PEPD: variants seen among roughly 807,000 people sequenced by gnomAD.
PEPD encodes xaa-Pro dipeptidase.
In PEPD, 53 loss-of-function variants were observed where a neutral mutation model predicts 60.7. The observed-to-expected ratio is 0.87, with a 90% CI of 0.70 to 1.10. The LOEUF (loss-of-function observed/expected upper bound fraction) is 1.10, where lower values mean the gene tolerates loss of function less well. Among genes scored for constraint, PEPD ranks in the 50% least tolerant of loss-of-function variants. PEPD has a pLI of 0.00. For synonymous variants in PEPD, 267 were observed against 284.1 expected (o/e 0.94, Z 0.60); for missense variants, 711 against 711.9 (o/e 1.00, Z 0.01).
intron 6 of PEPD, among the ~76,000 whole-genome samples, chr19:33,488,807 C>T (rs1163278300): frequency 1.3e-5 from 2 of 152,106 alleles, no homozygotes; most frequent in Non-Finnish European, 2.9e-5. Context: ...TGGGCTCATA[C>T]ATAATTATAA....
In PEPD at chr19:33,455,382, A is replaced by G. The variant is rs146499962; in HGVS notation, c.671+7613T>C. 2.5e-3 allele frequency among the ~76,000 whole-genome samples: 380 copies of G among 152,284 alleles called. 1 individual carries two copies. The highest frequency in any genetic ancestry group is 0.01 in the Middle Eastern group (3 of 294). ...AAGGGAGATGCTGAAAAGGCAGCTG[A>G]TAAAATTCGACATCCTTTCCTGATA... On this transcript the variant is annotated intron_variant, in intron 9 of 14. Transcript: ENST00000244137.
intron 11 of PEPD, among the ~76,000 whole-genome samples, chr19:33,402,664 G>C (rs1179995294): frequency 2.6e-5 from 4 of 152,190 alleles, no homozygotes; most frequent in Non-Finnish European, 5.9e-5. Flanking sequence ...CCCGAAGCCA[G>C]GTGGGCCCCC....
intron 9 of PEPD, among the ~76,000 whole-genome samples, chr19:33,429,409 C>T (rs181586489): frequency 6.8e-4 from 104 of 152,330 alleles, no homozygotes; most frequent in African/African-American, 2.2e-3. Flanking sequence ...TTAGTAATTA[C>T]GCGGGGGCAG....
chr19:33,463,195 T>C (rs948300966), intron 8 of PEPD, among the ~76,000 whole-genome samples, 154 bp from the exon 9 acceptor site: 4 of 152,214 alleles, frequency 2.6e-5, no homozygotes, highest in East Asian at 1.9e-4. Context: ...TGTGACAAAT[T>C]AGAACTTTTT....
intron 9 of PEPD, among the ~76,000 whole-genome samples, chr19:33,424,930 C>A (rs60267674): frequency 0.13 from 19,700 of 151,956 alleles, 1,840 homozygotes; most frequent in African/African-American, 0.26. Flanking sequence ...GGGGAAAGCA[C>A]CCCCATGATT....
chr19:33,480,883 T>C (rs1444325645), intron 6 of PEPD, among the ~76,000 whole-genome samples: 1 of 151,702 alleles, frequency 6.6e-6, no homozygotes, highest in Non-Finnish European at 1.5e-5. Flanking sequence ...ACTCAGCCAA[T>C]AGCAGCAGAA....
At chr19:33,510,317 G>A (rs552048356) in intron 3 of PEPD, among the ~76,000 whole-genome samples, 7 of 152,276 alleles carry the variant, frequency 4.6e-5, no homozygotes, top group African/African-American at 1.7e-4. Flanking sequence ...AGAAGGAAGG[G>A]AGAAGACAGA....
intron 4 of PEPD, 187 bp from the exon 5 acceptor site, chr19:33,493,524 G>A: frequency 1.5e-6 from 1 of 678,526 alleles, no homozygotes; most frequent in Non-Finnish European, 2.7e-6. Context: ...ACTTCTGAAA[G>A]CCACACAGCC....
At position 33,512,770 on chromosome 19, in the gene PEPD, C is replaced by CG. The variant is rs1568512451; in HGVS notation, c.23dup (p.Phe9ValfsTer6). 1 of 1,614,028 alleles carries CG rather than the reference C, an allele frequency of 6.2e-7. No homozygotes were observed. Among genetic ancestry groups the CG allele is most frequent in the Admixed American group, 1.7e-5 (1 of 60,014 alleles). ...TCAGGGTTTCATTCCCCAGCCAAAA[C>CG]GAGGGTCTGCAGAGGCAAGAGCACA... On this transcript the variant is annotated frameshift_variant, in exon 2 of 15. Coordinates refer to ENST00000244137, the MANE Select transcript of PEPD (RefSeq NM_000285.4). LOFTEE classifies it high-confidence loss of function.
chr19:33,446,268 AT>A (rs1204579328), intron 9 of PEPD, among the ~76,000 whole-genome samples: 3 of 152,170 alleles, frequency 2.0e-5, no homozygotes, highest in African/African-American at 7.2e-5. Context: ...ACCTAGATGA[AT>A]TTCTACCTTT....
At chr19:33,516,543 G>A (rs992232400) in intron 1 of PEPD, among the ~76,000 whole-genome samples, 4 of 152,128 alleles carry the variant, frequency 2.6e-5, no homozygotes, top group East Asian at 3.9e-4. Flanking sequence ...AGTCCTCAAG[G>A]AGGGTATGAT....
chr19:33,402,336 G>A (rs1968516179), intron 11 of PEPD, among the ~76,000 whole-genome samples: 9 of 152,240 alleles, frequency 5.9e-5, no homozygotes, highest in Admixed American at 5.9e-4. Context: ...CTGAGGCCGT[G>A]CTTGTGGGAA....
intron 9 of PEPD, among the ~76,000 whole-genome samples, chr19:33,456,011 A>G (rs1969791288): frequency 6.6e-6 from 1 of 152,154 alleles, no homozygotes; most frequent in African/African-American, 2.4e-5. Flanking sequence ...ATTTGCAGAA[A>G]GCTCTTCTCT....
intron 9 of PEPD, among the ~76,000 whole-genome samples, chr19:33,453,317 A>AAAAAAAAAAAAT (rs1555762504): frequency 0.088 from 13,107 of 148,288 alleles, 826 homozygotes; most frequent in Non-Finnish European, 0.14. Context: ...CTGTCATAAA[A>AAAAAAAAAAAAT]AAATAAATAA....
At chr19:33,414,661 G>C (rs1037475910) in intron 9 of PEPD, among the ~76,000 whole-genome samples, 13 of 134,798 alleles carry the variant, frequency 9.6e-5, no homozygotes, top group African/African-American at 3.1e-4. Context: ...TGCCCTGCAC[G>C]TTCCAGGCCT....
chr19:33,428,311 CAGCATACCCCG>C (rs1969195672), intron 9 of PEPD, among the ~76,000 whole-genome samples: 1 of 152,152 alleles, frequency 6.6e-6, no homozygotes, highest in South Asian at 2.1e-4. Flanking sequence ...CACACCTGTC[CAGCATACCCCG>C]AGCTCCCTCT....
intron 5 of PEPD, among the ~76,000 whole-genome samples, chr19:33,492,151 C>T (rs1970513870): frequency 6.6e-6 from 1 of 151,810 alleles, no homozygotes; most frequent in South Asian, 2.1e-4. Flanking sequence ...TAAGAAAGCA[C>T]ACTTCTCTGA....
chr19:33,456,913 G>A (rs757585142), intron 9 of PEPD, among the ~76,000 whole-genome samples: 14 of 151,766 alleles, frequency 9.2e-5, no homozygotes, highest in Non-Finnish European at 1.8e-4. Flanking sequence ...GGAGGAAGAC[G>A]GGGACCTCCT....
chr19:33,392,110 C>T (rs1018794426), intron 12 of PEPD, among the ~76,000 whole-genome samples: 6 of 152,096 alleles, frequency 3.9e-5, no homozygotes, highest in Non-Finnish European at 5.9e-5. Flanking sequence ...GGCAGGGGTT[C>T]GGGGCCCCGC....
Sources: gnomAD v4.1 joint callset for allele counts (sites outside exome capture counted in the v4.1 genomes callset) on GRCh38, gnomAD v4.1.1 for gene constraint, MANE v1.5 for transcripts, NCBI Gene and HGNC (gene_info 2026-07-23, HGNC 2026-07-21) for gene names.